Variants in ZNF160 observed in about 807,000 individuals in gnomAD.
ZNF160 encodes zinc finger protein 160.
A neutral mutation model predicts 13.1 loss-of-function variants in ZNF160; 9 were observed. The observed-to-expected ratio is 0.69, with a 90% CI of 0.41 to 1.20. The LOEUF is 1.20. ZNF160 is among the 50% of genes most tolerant of loss of function. ZNF160 has a pLI of 0.01. For missense variants in ZNF160, 838 were observed against 988.0 expected (o/e 0.85, Z 2.04); for synonymous variants, 293 against 333.2 (o/e 0.88, Z 1.31).
chr19:53,069,636 G>C lies in ZNF160; in HGVS notation c.898C>G (p.Leu300Val). ...GTATGGATGACCTGATGAATAGTTA[G>C]ATTTGAACGAACAGTAAAGGTTTTG... The part of the protein sequence containing the change: ...CGKTFTVRSN[L>V]TIHQVIHTGE... The change falls in exon 6 of 6, where the codon CTA (leucine) becomes GTA (valine). Residue 300 changes from leucine (L) to valine (V), a missense_variant. Leu to Val is a conservative substitution (Grantham distance 32). Transcript: ENST00000683776. This position sits in a 1 kb window ranked among gnomAD's most constrained non-coding sequence, Gnocchi z 4.4. 6.2e-7 allele frequency: 1 copy of C among 1,613,876 alleles called. No homozygotes were observed. Among genetic ancestry groups the C allele is most frequent in the Non-Finnish European group, 8.5e-7 (1 of 1,179,796 alleles).
chr19:53,096,125 A>C (rs2085224232), intron 1 of ZNF160, among the ~76,000 whole-genome samples: 1 of 152,234 alleles, frequency 6.6e-6, no homozygotes, highest in African/African-American at 2.4e-5. Context: ...AGGGTGAGGC[A>C]GGAGAATTGC....
rs143286174 is a variant in ZNF160 at position 53,070,149 on chromosome 19, A to G, written c.385T>C (p.Phe129Leu). The part of the protein sequence containing the change: ...ERHESPDIED[F>L]SFKEPQKNVH... Reference sequence around the variant, plus strand: ...TTTTTCTGGGGTTCCTTGAAGGAAAAGTCTTCAATGTCAGGGCTTTCGTGT... The same window carrying G: ...TTTTTCTGGGGTTCCTTGAAGGAAAGGTCTTCAATGTCAGGGCTTTCGTGT... The change falls in exon 6 of 6, where the codon TTT becomes CTT. Residue 129 changes from phenylalanine to leucine, a missense_variant. Physicochemically the swap from Phe to Leu is conservative, Grantham distance 22. Around this residue, in one of 3 missense-constraint regions of ZNF160, gnomAD observed 387 missense variants for 402.3 expected, o/e 0.96. Coordinates refer to ENST00000683776, the MANE Select transcript of ZNF160 (RefSeq NM_001322131.2). 2 of 1,614,010 alleles carry G rather than the reference A, an allele frequency of 1.2e-6. No individual in the cohort carries two copies. The highest frequency in any genetic ancestry group is 2.2e-5 in the East Asian group (1 of 44,876).
In ZNF160 at chr19:53,074,242, T is replaced by C. The variant is rs761077099; in HGVS notation, c.169A>G (p.Ile57Val). 6.2e-7 allele frequency: 1 copy of C among 1,614,132 alleles called. No homozygotes were observed. The highest frequency in any genetic ancestry group is 8.5e-7 in the Non-Finnish European group (1 of 1,179,994). ...TCTTTCCCTTCCTCCAACATGGAGA[T>C]AATATTCATATCAAAATGACACAGT... is the stretch of plus-strand genomic sequence containing the variant. ...LGLCHFDMNIISMLEEGKEPW... is the reference protein window; with the variant it reads ...LGLCHFDMNIVSMLEEGKEPW... The change falls in exon 5 of 6, where the codon ATC becomes GTC. Residue 57 changes from isoleucine to valine, a missense_variant. Transcript: ENST00000683776.
intron 1 of ZNF160, among the ~76,000 whole-genome samples, chr19:53,101,000 C>T (rs1184621561): frequency 2.0e-5 from 3 of 151,598 alleles, no homozygotes; most frequent in Admixed American, 6.6e-5. Flanking sequence ...AAATAAGGGC[C>T]AGGAGCGGTG....
At chr19:53,073,034 G>T in intron 5 of ZNF160, 1 of 596,350 alleles carries the variant, frequency 1.7e-6, no homozygotes, top group Non-Finnish European at 2.3e-6. Context: ...ATACAATATG[G>T]ACTGATGGAA....
chr19:53,089,291 A>G (rs887486231), intron 2 of ZNF160, among the ~76,000 whole-genome samples: 1 of 152,216 alleles, frequency 6.6e-6, no homozygotes, highest in Non-Finnish European at 1.5e-5. Context: ...TCACCCAGTT[A>G]GTGTCGGATG....
At chr19:53,076,832 T>C (rs2084411029) in intron 3 of ZNF160, 1 of 152,208 alleles carries the variant, frequency 6.6e-6, no homozygotes, top group East Asian at 1.9e-4. Context: ...CCTGCCATGA[T>C]GTAGTATCAC....
intron 5 of ZNF160, among the ~76,000 whole-genome samples, chr19:53,072,311 G>A (rs80040534): frequency 0.071 from 10,830 of 152,006 alleles, 407 homozygotes; most frequent in Middle Eastern, 0.14. Flanking sequence ...CATGTTGGTC[G>A]GGCCGGTCTC....
Position 53,086,575 on chromosome 19 carries a change from GC to G in ZNF160, c.-45-255del, listed in dbSNP as rs1346375116. On this transcript the variant is annotated intron_variant, in intron 2 of 5. Transcript: ENST00000683776. ...CCTGGAGAAGCCCACACACACTGCA[GC>G]AGTGGGGAGCTGGGCTGGACTGAGC... Among the ~76,000 whole-genome samples the G allele has an allele frequency of 2.0e-5, 3 of 152,186 alleles. No individual in the cohort carries two copies. In the East Asian group the frequency reaches 5.8e-4, roughly 30 times the overall value.
At position 53,075,061 on chromosome 19, in the gene ZNF160, A is replaced by G. The variant is rs954097339; in HGVS notation, c.138T>C (p.Ser46=). 6.8e-6 allele frequency: 11 copies of G among 1,614,030 alleles called. No individual in the cohort carries two copies. Among genetic ancestry groups the G allele is most frequent in the Non-Finnish European group, 8.5e-6 (10 of 1,180,010 alleles). Residue 46 remains serine, a synonymous_variant, in exon 4 of 6, where the codon TCT becomes TCC. Transcript: ENST00000683776. ...VMLENYWNLV[S]LGLCHFDMNI... is the part of the protein sequence containing the mutation. ...CTGGAAGAAAGTCATCCTCACCCAGAGAAACAAGGTTCCAGTAGTTCTCCA... is the reference window on the plus strand; with the variant it reads ...CTGGAAGAAAGTCATCCTCACCCAGGGAAACAAGGTTCCAGTAGTTCTCCA...
chr19:53,071,358 C>A (rs2084168414), intron 5 of ZNF160, among the ~76,000 whole-genome samples: 1 of 151,742 alleles, frequency 6.6e-6, no homozygotes, highest in Non-Finnish European at 1.5e-5. Flanking sequence ...CGAGACCAGC[C>A]TGGTCAACAT....
chr19:53,088,085 T>G (rs1358075689), intron 2 of ZNF160, among the ~76,000 whole-genome samples: 1 of 152,056 alleles, frequency 6.6e-6, no homozygotes, highest in Non-Finnish European at 1.5e-5. Flanking sequence ...CACTTGCACA[T>G]TCAGAGAACA....
In ZNF160 at chr19:53,070,112, A is replaced by G. The variant is rs778229656; in HGVS notation, c.422T>C (p.Phe141Ser). 1.2e-5 allele frequency: 19 copies of G among 1,613,986 alleles called. No individual in the cohort carries two copies. Among genetic ancestry groups the G allele is most frequent in the Admixed American group, 5.0e-5 (3 of 59,988 alleles). ...TGTGTCATCTCTCCATTGACACTCAAAATCATGCACATTTTTCTGGGGTTC... is the reference window on the plus strand; with the variant it reads ...TGTGTCATCTCTCCATTGACACTCAGAATCATGCACATTTTTCTGGGGTTC... ...FKEPQKNVHD[F>S]ECQWRDDTGN... Residue 141 changes from phenylalanine (F) to serine (S), a missense_variant, in exon 6 of 6, where the codon TTT (phenylalanine) becomes TCT (serine). Phe to Ser is a radical substitution (Grantham distance 155). Coordinates refer to ENST00000683776, the MANE Select transcript of ZNF160 (RefSeq NM_001322131.2).
chr19:53,081,765 T>C lies in ZNF160; in HGVS notation c.15+4497A>G, dbSNP rs532557283. 2.2e-3 allele frequency among the ~76,000 whole-genome samples: 337 copies of C among 152,354 alleles called. 3 individuals are homozygous for C. Among genetic ancestry groups the C allele is most frequent in the African/African-American group, 7.7e-3 (322 of 41,578 alleles). On this transcript the variant is annotated intron_variant, in intron 3 of 5. Transcript: ENST00000683776. ...CAATTCAACCCAGCAATCCCATTAC[T>C]GGATATGTACCCAAAGGAAAATAGA...
Position 53,067,292 on chromosome 19 carries a change from C to A in ZNF160, c.*785G>T, listed in dbSNP as rs534614226. ...TTCATGTTCAGTTGATAGACCATTT[C>A]TTTCCTCTAAGCCACAGTACTCTCC... On this transcript the variant is annotated 3_prime_UTR_variant, in exon 6 of 6. Coordinates refer to ENST00000683776, the MANE Select transcript of ZNF160 (RefSeq NM_001322131.2). 1 of 152,308 alleles carries A rather than the reference C, an allele frequency of 6.6e-6. No homozygotes were observed. Among genetic ancestry groups the A allele is most frequent in the South Asian group, 2.1e-4 (1 of 4,828 alleles). The allele number at this position is 152,308 out of a possible 1,614,324, so 9.4% of individuals were successfully genotyped here. A position where few individuals can be genotyped will look rare whatever the true frequency, so the allele number is the denominator to read the frequency against.
At position 53,069,292 on chromosome 19, in the gene ZNF160, G is replaced by A. The variant is rs1367236268; in HGVS notation, c.1242C>T (p.Ile414=). The change falls in exon 6 of 6, where the codon ATC becomes ATT. Residue 414 remains isoleucine (I), a synonymous_variant. Transcript: ENST00000683776. The surrounding 1 kb of genome is among the most constrained non-coding windows in gnomAD (Gnocchi z 4.4). ...TTTCTCCAGTGTGGATTGTCTGATGGATTGCTAGGCTTGAACGAACACTAA... is the reference window on the plus strand; with the variant it reads ...TTTCTCCAGTGTGGATTGTCTGATGAATTGCTAGGCTTGAACGAACACTAA... ...KAFSVRSSLA[I]HQTIHTGEKP... 4 of 1,613,730 alleles carry A rather than the reference G, an allele frequency of 2.5e-6. No individual in the cohort carries two copies. Among genetic ancestry groups the A allele is most frequent in the Non-Finnish European group, 2.5e-6 (3 of 1,179,948 alleles).
intron 5 of ZNF160, among the ~76,000 whole-genome samples, chr19:53,072,082 A>C (rs951400546): frequency 1.3e-5 from 2 of 151,716 alleles, no homozygotes; most frequent in South Asian, 4.2e-4. Context: ...TAAGTGGTAC[A>C]TGACAGTTAT....
chr19:53,073,971 G>A (rs1306758374), intron 5 of ZNF160, among the ~76,000 whole-genome samples, 169 bp downstream of exon 5: 1 of 151,918 alleles, frequency 6.6e-6, no homozygotes, highest in Admixed American at 6.6e-5. Context: ...TGTATTTTTA[G>A]TAGAGATAGG....
chr19:53,070,283 C>A (rs765200548), intron 5 of ZNF160, 21 bp from the exon 6 acceptor site: 1 of 1,523,730 alleles, frequency 6.6e-7, no homozygotes, highest in Non-Finnish European at 8.8e-7. Context: ...TAAAGAACCA[C>A]ATAATTTCCA....
Sources: allele counts gnomAD v4.1 joint callset (sites outside exome capture counted in the v4.1 genomes callset), GRCh38; gene constraint gnomAD v4.1.1; regional missense constraint gnomAD v4.1.1; non-coding constraint Gnocchi (gnomAD v3.1); transcripts MANE v1.5; gene names NCBI Gene and HGNC (gene_info 2026-07-23, HGNC 2026-07-21).